The following PTPRD variants were observed in gnomAD, a reference collection of about 807,000 sequenced individuals.
PTPRD encodes receptor-type tyrosine-protein phosphatase delta.
A neutral mutation model predicts 214.5 loss-of-function variants in PTPRD; 34 were observed. That is an observed-to-expected ratio of 0.16 (90% CI 0.12 to 0.21). The LOEUF (loss-of-function observed/expected upper bound fraction) is 0.21, where lower values mean the gene tolerates loss of function less well. Ranked by LOEUF, PTPRD falls within the 10% of genes least tolerant of loss-of-function variation. The pLI is 1.00. For synonymous variants in PTPRD, 1,128 were observed against 845.7 expected, an observed-to-expected ratio of 1.33 and a Z score of -5.79; for missense variants, 2,545 against 2,398.7, an observed-to-expected ratio of 1.06 and a Z score of -1.27.
chr9:10,009,763 A>C (rs1474605018), intron 4 of PTPRD, among the ~76,000 whole-genome samples: 2 of 151,948 alleles, frequency 1.3e-5, no homozygotes, highest in Non-Finnish European at 2.9e-5. Context: ...AAATATGTCA[A>C]AGTATATTTT....
At chr9:8,769,974 T>C (rs995322064) in intron 11 of PTPRD, among the ~76,000 whole-genome samples, 8 of 151,896 alleles carry the variant, frequency 5.3e-5, no homozygotes, top group African/African-American at 1.7e-4. Context: ...CAGCTATGAG[T>C]GAAAACTGTC....
intron 6 of PTPRD, among the ~76,000 whole-genome samples, chr9:9,740,894 A>G (rs958432055): frequency 2.0e-5 from 3 of 152,320 alleles, no homozygotes; most frequent in African/African-American, 7.2e-5. Context: ...AGAAAATACC[A>G]TATTCAACAA....
At chr9:10,475,528 G>A (rs1023659638) in intron 2 of PTPRD, among the ~76,000 whole-genome samples, 2 of 151,978 alleles carry the variant, frequency 1.3e-5, no homozygotes, top group African/African-American at 2.4e-5. Flanking sequence ...GGACCAGATG[G>A]ATTCACAGCC....
At chr9:8,777,082 G>A (rs1449479360) in intron 11 of PTPRD, among the ~76,000 whole-genome samples, 1 of 151,378 alleles carries the variant, frequency 6.6e-6, no homozygotes, top group Non-Finnish European at 1.5e-5. Context: ...CTAGCCTCAA[G>A]AGATCTTCCA....
At chr9:8,875,593 A>C (rs2098380161) in intron 11 of PTPRD, among the ~76,000 whole-genome samples, 1 of 150,118 alleles carries the variant, frequency 6.7e-6, no homozygotes, top group Non-Finnish European at 1.5e-5. Flanking sequence ...TATTTACAAA[A>C]GAATATAGCA....
intron 8 of PTPRD, among the ~76,000 whole-genome samples, chr9:9,515,738 C>G (rs961132025): frequency 4.0e-4 from 61 of 151,770 alleles, no homozygotes; most frequent in African/African-American, 1.4e-3. Flanking sequence ...TTAATAAAGA[C>G]TGCTAGAAAA....
At position 10,507,693 on chromosome 9, in the gene PTPRD, T is replaced by C. The variant is rs560226674; in HGVS notation, c.-600+104705A>G. 7.2e-4 allele frequency among the ~76,000 whole-genome samples: 109 copies of C among 152,138 alleles called. 2 individuals are homozygous for C. The highest frequency in any genetic ancestry group is 4.3e-3 in the Admixed American group (65 of 15,282). ...TGACAAACGTGACAAAAACAAGAAATGGGGAAAGGAGTCGCTATTTAATAA... is the reference window on the plus strand; with the variant it reads ...TGACAAACGTGACAAAAACAAGAAACGGGGAAAGGAGTCGCTATTTAATAA... On this transcript the variant is annotated intron_variant, in intron 2 of 45. Transcript: ENST00000381196.
intron 5 of PTPRD, among the ~76,000 whole-genome samples, chr9:9,888,385 A>T (rs774902807): frequency 2.0e-5 from 3 of 152,148 alleles, no homozygotes; most frequent in Non-Finnish European, 4.4e-5. Flanking sequence ...GGCGATGAGT[A>T]TACAGTTTGG....
At chr9:9,178,400 A>G (rs1007465409) in intron 10 of PTPRD, among the ~76,000 whole-genome samples, 2 of 150,306 alleles carry the variant, frequency 1.3e-5, no homozygotes, top group Non-Finnish European at 3.0e-5. Context: ...TCTTTCTATC[A>G]AAGGGTGATG....
chr9:8,571,837 T>G (rs1305080359), intron 14 of PTPRD, among the ~76,000 whole-genome samples: 4 of 152,048 alleles, frequency 2.6e-5, no homozygotes, highest in African/African-American at 9.7e-5. Flanking sequence ...TCCAAGAGCA[T>G]GTTCTGATAA....
Position 9,990,927 on chromosome 9 carries a change from G to T in PTPRD, c.-472+42791C>A, listed in dbSNP as rs79538495. ...ATGTAAAATCTTCTAGGGAAGATGA[G>T]TAAAATAGTCTTTTTTTTTTTTTTT... On this transcript the variant is annotated intron_variant, in intron 4 of 45. Transcript: ENST00000381196. Among the ~76,000 whole-genome samples the T allele has an allele frequency of 6.8e-3, 849 of 125,466 alleles. 61 individuals carry two copies. In the East Asian group the frequency reaches 0.18, roughly 26 times the overall value. 82.3% of individuals were successfully genotyped at this position (125,466 alleles called of 152,430 possible).
chr9:8,696,850 T>A (rs969044220), intron 12 of PTPRD, among the ~76,000 whole-genome samples: 7 of 152,180 alleles, frequency 4.6e-5, no homozygotes, highest in Non-Finnish European at 8.8e-5. Flanking sequence ...TAAAAACCGT[T>A]CCCTTTCTTA....
At chr9:8,922,709 C>T (rs867414185) in intron 11 of PTPRD, among the ~76,000 whole-genome samples, 2 of 152,096 alleles carry the variant, frequency 1.3e-5, no homozygotes, top group Admixed American at 6.5e-5. Flanking sequence ...TGCAGTGGCG[C>T]GATCTCAGCT....
chr9:8,651,285 T>C (rs746934220), intron 12 of PTPRD, among the ~76,000 whole-genome samples: 19 of 152,078 alleles, frequency 1.2e-4, no homozygotes, highest in Non-Finnish European at 2.1e-4. Flanking sequence ...AGTGAGCTAT[T>C]TGGGGGTACA....
intron 11 of PTPRD, among the ~76,000 whole-genome samples, chr9:8,735,444 T>C (rs1240039310): frequency 6.6e-6 from 1 of 152,074 alleles, no homozygotes; most frequent in Non-Finnish European, 1.5e-5. Context: ...ACTCTTGGCC[T>C]ACCAAAGTGC....
intron 5 of PTPRD, among the ~76,000 whole-genome samples, chr9:9,789,796 C>CAAAAAAAAAAAAAAAAAAAAAAAAAA (rs774579667): frequency 2.4e-5 from 1 of 40,832 alleles, no homozygotes; most frequent in Non-Finnish European, 4.7e-5. Flanking sequence ...AACTCTGTCT[C>CAAAAAAAAAAAAAAAAAAAAAAAAAA]AAAAAAAAAA....
intron 2 of PTPRD, among the ~76,000 whole-genome samples, chr9:10,408,247 T>C (rs2154503445): frequency 6.6e-6 from 1 of 151,484 alleles, no homozygotes; most frequent in East Asian, 2.0e-4. Context: ...TTTTTAAGTC[T>C]CTCTCTCTCT....
At chr9:10,285,605 CTTTTTT>C (rs34225956) in intron 3 of PTPRD, among the ~76,000 whole-genome samples, 4 of 104,094 alleles carry the variant, frequency 3.8e-5, no homozygotes, top group South Asian at 3.7e-4. Context: ...GGGGTCTCAT[CTTTTTT>C]TTTTTTTTTT....
chr9:9,679,580 C>G (rs1232865263), intron 7 of PTPRD, among the ~76,000 whole-genome samples: 1 of 151,834 alleles, frequency 6.6e-6, no homozygotes, highest in South Asian at 2.1e-4. Flanking sequence ...AACAGCATCA[C>G]AGAATGACAA....
Sources: gnomAD v4.1 joint callset for allele counts (sites outside exome capture counted in the v4.1 genomes callset) on GRCh38, gnomAD v4.1.1 for gene constraint, MANE v1.5 for transcripts, NCBI Gene and HGNC (gene_info 2026-07-23, HGNC 2026-07-21) for gene names.